PLD1: variants seen among roughly 807,000 people sequenced by gnomAD.
PLD1 encodes the protein choline phosphatase 1.
Under a neutral mutation model 137.1 loss-of-function variants are expected in PLD1, and 112 were observed. The ratio of observed to expected loss-of-function variants is 0.82; its 90% CI spans 0.70 to 0.96. PLD1 has a LOEUF of 0.96. PLD1 is among the 40% of genes least tolerant of loss of function. The pLI, the probability that PLD1 is intolerant of heterozygous loss-of-function variation, is 0.00. For missense variants in PLD1, 1,321 were observed against 1,342.0 expected, an observed-to-expected ratio of 0.98 and a Z score of 0.24; for synonymous variants, 431 against 454.7, an observed-to-expected ratio of 0.95 and a Z score of 0.66.
chr3:171,620,271 G>T (rs569154256), intron 24 of PLD1, 115 bp downstream of exon 24: 14 of 659,212 alleles, frequency 2.1e-5, no homozygotes, highest in African/African-American at 1.4e-4. Context: ...TTTAGTTATG[G>T]TGTTACTGTC....
intron 19 of PLD1, among the ~76,000 whole-genome samples, chr3:171,672,260 C>T (rs1373313741): frequency 6.6e-6 from 1 of 152,184 alleles, no homozygotes; most frequent in African/African-American, 2.4e-5. Flanking sequence ...AGGCAAAGAA[C>T]TCCTTTGCTG....
At chr3:171,764,884 AAAG>A (rs1721762532) in intron 1 of PLD1, among the ~76,000 whole-genome samples, 3 of 19,924 alleles carry the variant, frequency 1.5e-4, no homozygotes, top group African/African-American at 5.4e-4. Context: ...AGAAAGAAAG[AAAG>A]AAAGAAAGGA....
intron 21 of PLD1, 83 bp from the exon 22 acceptor site, chr3:171,645,106 G>C: frequency 1.1e-6 from 1 of 875,968 alleles, no homozygotes; most frequent in East Asian, 2.4e-5. Context: ...AGTTCACATG[G>C]TTTTTGAGAT....
At chr3:171,639,957 C>T (rs1444527130) in intron 23 of PLD1, among the ~76,000 whole-genome samples, 4 of 149,744 alleles carry the variant, frequency 2.7e-5, no homozygotes, top group African/African-American at 9.8e-5. Context: ...TGTTGGCATA[C>T]AACTGTTCAT....
At chr3:171,662,354 G>A (rs1371067530) in intron 19 of PLD1, among the ~76,000 whole-genome samples, 184 bp from the exon 20 acceptor site, 1 of 152,128 alleles carries the variant, frequency 6.6e-6, no homozygotes, top group Non-Finnish European at 1.5e-5. Context: ...GGGAGAAAGG[G>A]GGCAACTGGT....
chr3:171,714,210 A>G (rs930511877), intron 8 of PLD1, among the ~76,000 whole-genome samples, 165 bp from the exon 9 acceptor site: 2 of 152,224 alleles, frequency 1.3e-5, no homozygotes, highest in Admixed American at 1.3e-4. Context: ...AACAAACAAA[A>G]AAAACCCAAC....
intron 23 of PLD1, among the ~76,000 whole-genome samples, chr3:171,624,175 A>G (rs1733884930): frequency 6.6e-6 from 1 of 152,190 alleles, no homozygotes; most frequent in Non-Finnish European, 1.5e-5. Context: ...AACTCTAAAT[A>G]ATTGAAGGGA....
chr3:171,687,035 T>C (rs1714635410), intron 15 of PLD1, among the ~76,000 whole-genome samples: 1 of 152,226 alleles, frequency 6.6e-6, no homozygotes, highest in South Asian at 2.1e-4. Context: ...GGAAGATAAA[T>C]GTAATTTCTT....
At chr3:171,676,531 G>T (rs1713366919) in intron 18 of PLD1, among the ~76,000 whole-genome samples, 184 bp downstream of exon 18, 2 of 147,842 alleles carry the variant, frequency 1.4e-5, no homozygotes, top group South Asian at 4.4e-4. Flanking sequence ...GGACATTCGG[G>T]AATGTTTCCC....
intron 23 of PLD1, among the ~76,000 whole-genome samples, chr3:171,642,457 CAAAAAAAAAAAAA>C (rs1230947984): frequency 3.0e-5 from 1 of 33,030 alleles, no homozygotes. Flanking sequence ...AACCCAGTCT[CAAAAAAAAAAAAA>C]AAAAAAAAAA....
chr3:171,731,714 G>A (rs1207743862), intron 6 of PLD1, among the ~76,000 whole-genome samples: 1 of 152,054 alleles, frequency 6.6e-6, no homozygotes, highest in African/African-American at 2.4e-5. Context: ...GGCGGTTGCA[G>A]TGAGCCGAGA....
At chr3:171,742,202 ACT>A (rs1326302113) in intron 1 of PLD1, among the ~76,000 whole-genome samples, 1 of 152,164 alleles carries the variant, frequency 6.6e-6, no homozygotes, top group East Asian at 1.9e-4. Flanking sequence ...GCACTGGGAG[ACT>A]TTTACAATTT....
At chr3:171,770,978 A>G (rs1316202232) in intron 1 of PLD1, among the ~76,000 whole-genome samples, 7 of 152,046 alleles carry the variant, frequency 4.6e-5, no homozygotes, top group African/African-American at 1.7e-4. Context: ...ACAGATACTA[A>G]TATGTCATTT....
At chr3:171,689,330 T>C (rs1221408061) in intron 13 of PLD1, among the ~76,000 whole-genome samples, 2 of 152,228 alleles carry the variant, frequency 1.3e-5, no homozygotes, top group Non-Finnish European at 2.9e-5. Context: ...TATAGGCATA[T>C]AGATATTTTG....
In PLD1 at chr3:171,677,569, CA is replaced by C; in HGVS notation, c.1992del (p.Phe664LeufsTer44). On this transcript the variant is annotated frameshift_variant, in exon 17 of 27. Coordinates refer to ENST00000351298, the MANE Select transcript of PLD1 (RefSeq NM_002662.5). LOFTEE classifies it high-confidence loss of function. Reference protein sequence around the residue: ...FKDWVQLDKPFADFIDRYSTP... With the variant: ...FKDWVQLDKPXADFIDRYSTP... Reference sequence around the variant, plus strand: ...ACCCCACCATTATGATACTCACCAGCAAAAGGTTTATCAAGTTGAACCCAGT... The same window carrying C: ...ACCCCACCATTATGATACTCACCAGCAAAGGTTTATCAAGTTGAACCCAGT... The C allele has an allele frequency of 1.2e-6, 2 of 1,613,508 alleles. No individual in the cohort carries two copies. Among genetic ancestry groups the C allele is most frequent in the Non-Finnish European group, 1.7e-6 (2 of 1,179,682 alleles).
intron 1 of PLD1, among the ~76,000 whole-genome samples, chr3:171,749,057 A>G (rs1720471964): frequency 6.6e-6 from 1 of 152,064 alleles, no homozygotes; most frequent in African/African-American, 2.4e-5. Context: ...GCTAATACAT[A>G]TGCTCCATTT....
At chr3:171,637,940 G>A (rs1238873496) in intron 23 of PLD1, among the ~76,000 whole-genome samples, 1 of 152,060 alleles carries the variant, frequency 6.6e-6, no homozygotes, top group Non-Finnish European at 1.5e-5. Flanking sequence ...CAGCACTTTG[G>A]GAGGCCGAGG....
chr3:171,749,294 C>T (rs1468896848), intron 1 of PLD1, among the ~76,000 whole-genome samples: 1 of 152,084 alleles, frequency 6.6e-6, no homozygotes, highest in African/African-American at 2.4e-5. Context: ...TGTTGCCTCA[C>T]ATAAATTTTA....
intron 7 of PLD1, 58 bp downstream of exon 7, chr3:171,725,960 T>C: frequency 8.7e-7 from 1 of 1,146,942 alleles, no homozygotes. Flanking sequence ...GCTGCTACGT[T>C]AAGTGTGAAT....
Sources: gnomAD v4.1 joint callset for allele counts (sites outside exome capture counted in the v4.1 genomes callset) on GRCh38, gnomAD v4.1.1 for gene constraint, MANE v1.5 for transcripts, NCBI Gene and HGNC (gene_info 2026-07-23, HGNC 2026-07-21) for gene names.